Variants in MCU observed in about 807,000 individuals in gnomAD.
MCU encodes mitochondrial calcium uniporter.
A neutral mutation model predicts 45.2 loss-of-function variants in MCU; 12 were observed. The ratio of observed to expected loss-of-function variants is 0.27; its 90% CI spans 0.17 to 0.43. The LOEUF is 0.43. Ranked by LOEUF, MCU falls within the 20% of genes least tolerant of loss-of-function variation. The pLI is 1.00. For synonymous variants in MCU, 160 were observed against 165.1 expected (o/e 0.97, Z 0.24); for missense variants, 324 against 436.7 (o/e 0.74, Z 2.30).
chr10:72,741,144 G>T (rs1843325652), intron 1 of MCU, among the ~76,000 whole-genome samples: 1 of 143,842 alleles, frequency 7.0e-6, no homozygotes, highest in Non-Finnish European at 1.5e-5. Context: ...CTGTCCCCCA[G>T]CCTGGAGTGC....
At chr10:72,703,451 GT>G (rs1208164016) in intron 1 of MCU, among the ~76,000 whole-genome samples, 1 of 152,170 alleles carries the variant, frequency 6.6e-6, no homozygotes, top group African/African-American at 2.4e-5. Context: ...CTTAACCACT[GT>G]TTCTGTGGTG....
Position 72,763,449 on chromosome 10 carries a change from G to C in MCU, c.151-70910G>C, listed in dbSNP as rs114926059. On this transcript the variant is annotated intron_variant, in intron 1 of 7. Coordinates refer to ENST00000373053, the MANE Select transcript of MCU (RefSeq NM_138357.3). Reference sequence around the variant, plus strand: ...AAATGAGTGAGGGAAAGGCATTTGAGCTAAGGGGAGCTACATGAGTATATA... The same window carrying C: ...AAATGAGTGAGGGAAAGGCATTTGACCTAAGGGGAGCTACATGAGTATATA... Among the ~76,000 whole-genome samples, 453 of 152,184 alleles carry C rather than the reference G, an allele frequency of 3.0e-3. 4 individuals are homozygous for C. The highest frequency in any genetic ancestry group is 0.01 in the African/African-American group (425 of 41,508).
At chr10:72,811,330 T>C (rs1269342739) in intron 1 of MCU, among the ~76,000 whole-genome samples, 1 of 152,250 alleles carries the variant, frequency 6.6e-6, no homozygotes, top group Non-Finnish European at 1.5e-5. Context: ...TGTTGCGAAC[T>C]TGTTAATGTG....
At chr10:72,729,063 G>T (rs755858119) in intron 1 of MCU, among the ~76,000 whole-genome samples, 12 of 152,168 alleles carry the variant, frequency 7.9e-5, no homozygotes, top group Non-Finnish European at 1.3e-4. Flanking sequence ...GCAGTTACTT[G>T]TATTGTGCTA....
chr10:72,701,095 G>A (rs1412238617), intron 1 of MCU, among the ~76,000 whole-genome samples: 7 of 152,128 alleles, frequency 4.6e-5, no homozygotes, highest in Admixed American at 4.6e-4. Flanking sequence ...ATGTTTAAGA[G>A]CACTGTATTA....
At chr10:72,876,698 A>G (rs1298095149) in intron 6 of MCU, among the ~76,000 whole-genome samples, 1 of 152,216 alleles carries the variant, frequency 6.6e-6, no homozygotes, top group Admixed American at 6.5e-5. Context: ...ATGCAACTGT[A>G]TCTGTACTGA....
intron 1 of MCU, among the ~76,000 whole-genome samples, chr10:72,805,072 A>AGTTT (rs1199153809): frequency 1.6e-4 from 23 of 142,642 alleles, no homozygotes; most frequent in African/African-American, 5.0e-4. Flanking sequence ...ACCTGGCCCT[A>AGTTT]GTTTGTTTCT....
At chr10:72,760,384 C>G (rs904979675) in intron 1 of MCU, among the ~76,000 whole-genome samples, 1 of 151,546 alleles carries the variant, frequency 6.6e-6, no homozygotes, top group African/African-American at 2.4e-5. Flanking sequence ...GAAATGGTTC[C>G]CTGAAAAACC....
chr10:72,859,189 T>G lies in MCU; in HGVS notation c.233T>G (p.Val78Gly). The G allele has an allele frequency of 6.3e-7, 1 of 1,595,888 alleles. No homozygotes were observed. The highest frequency in any genetic ancestry group is 8.5e-7 in the Non-Finnish European group (1 of 1,171,928). ...TVVPSDDVTV[V>G]YQNGLPVISV... Reference sequence around the variant, plus strand: ...CTTTTTCATTCAGATGTTACAGTGGTTTATCAAAATGGGTTACCTGTGATA... The same window carrying G: ...CTTTTTCATTCAGATGTTACAGTGGGTTATCAAAATGGGTTACCTGTGATA... Residue 78 changes from valine (V) to glycine (G), a missense_variant, in exon 3 of 8, where the codon GTT becomes GGT. Physicochemically the swap from Val to Gly is moderately radical, Grantham distance 109. Transcript: ENST00000373053.
At chr10:72,774,436 A>T (rs542884607) in intron 1 of MCU, among the ~76,000 whole-genome samples, 4 of 152,170 alleles carry the variant, frequency 2.6e-5, no homozygotes, top group Non-Finnish European at 5.9e-5. Flanking sequence ...ACAACAAATT[A>T]AAAACAGATT....
At chr10:72,765,852 C>A (rs372837880) in intron 1 of MCU, among the ~76,000 whole-genome samples, 31 of 142,224 alleles carry the variant, frequency 2.2e-4, no homozygotes, top group Admixed American at 7.7e-4. Context: ...TGACTATTTT[C>A]TTTTATTTTA....
rs1022403886 is a variant in MCU, at chr10:72,871,635, C to T, written c.861+55C>T. The stretch of plus-strand genomic sequence containing the variant: ...GAGATAGTAATAAAGTTTTGATTGT[C>T]AAAAGAGTTCTTTTTTCTCATCTTC... On this transcript the variant is annotated intron_variant, in intron 6 of 7. Coordinates refer to ENST00000373053, the MANE Select transcript of MCU (RefSeq NM_138357.3). The T allele has an allele frequency of 8.2e-6, 12 of 1,465,676 alleles. No individual in the cohort carries two copies. The Middle Eastern group carries it at 1.0e-3, about 122-fold the overall frequency. The allele number at this position is 1,465,676 out of a possible 1,614,324, so 90.8% of individuals were successfully genotyped here.
intron 2 of MCU, among the ~76,000 whole-genome samples, chr10:72,846,780 G>A (rs1355609441): frequency 6.6e-6 from 1 of 152,148 alleles, no homozygotes; most frequent in African/African-American, 2.4e-5. Context: ...TCCCTTTAGG[G>A]TCCAGATGGA....
intron 1 of MCU, among the ~76,000 whole-genome samples, chr10:72,770,244 C>G (rs868797710): frequency 1.1e-4 from 17 of 152,216 alleles, no homozygotes; most frequent in Middle Eastern, 3.4e-3. Context: ...TTATACCTCT[C>G]TTTTCCCTCA....
chr10:72,714,440 C>T (rs566881166), intron 1 of MCU, among the ~76,000 whole-genome samples: 132 of 145,196 alleles, frequency 9.1e-4, no homozygotes, highest in Non-Finnish European at 1.4e-3. Context: ...CAATCCTCCT[C>T]CCTTGGCATT....
intron 2 of MCU, among the ~76,000 whole-genome samples, chr10:72,844,358 G>A (rs1284901907): frequency 6.6e-6 from 1 of 152,112 alleles, no homozygotes; most frequent in African/African-American, 2.4e-5. Context: ...CTGCATTCCA[G>A]CCTGGGCAAC....
chr10:72,844,323 G>A (rs184291370), intron 2 of MCU, among the ~76,000 whole-genome samples: 3 of 152,222 alleles, frequency 2.0e-5, no homozygotes, highest in Non-Finnish European at 4.4e-5. Flanking sequence ...GGAGGCAGAG[G>A]TTGCAGTGAG....
chr10:72,730,307 C>CT (rs1221272053), intron 1 of MCU, among the ~76,000 whole-genome samples: 3,384 of 124,196 alleles, frequency 0.027, 126 homozygotes, highest in African/African-American at 0.07. Flanking sequence ...CTTTCTTTTT[C>CT]TTTTTTTTTT....
intron 1 of MCU, among the ~76,000 whole-genome samples, chr10:72,742,012 GACTCCGTCTCAAAAAAAAAAAAAAAAA>G (rs2132698108): frequency 1.0e-5 from 1 of 95,460 alleles, no homozygotes; most frequent in South Asian, 3.9e-4. Context: ...GACAGAGCAA[GACTCCGTCTCAAAAAAAAAAAAAAAAA>G]AAAAAACAAA....
Sources: allele counts gnomAD v4.1 joint callset (sites outside exome capture counted in the v4.1 genomes callset), GRCh38; gene constraint gnomAD v4.1.1; transcripts MANE v1.5; gene names NCBI Gene and HGNC (gene_info 2026-07-23, HGNC 2026-07-21).